KCTD16: variants seen among roughly 807,000 people sequenced by gnomAD.
The protein encoded by KCTD16 is potassium channel tetramerization domain containing 16.
A neutral mutation model predicts 33.2 loss-of-function variants in KCTD16; 13 were observed. The observed-to-expected ratio is 0.39, with a 90% confidence interval of 0.25 to 0.62. The LOEUF (loss-of-function observed/expected upper bound fraction) is 0.62. KCTD16 is among the 20% of genes least tolerant of loss of function. KCTD16 has a pLI of 0.50. For missense variants in KCTD16, 441 were observed against 525.1 expected (o/e 0.84, Z 1.57); for synonymous variants, 197 against 195.3 (o/e 1.01, Z -0.07).
intron 2 of KCTD16, chr5:144,205,921 G>C (rs971062283): frequency 5.4e-6 from 1 of 186,846 alleles, no homozygotes; most frequent in Non-Finnish European, 1.1e-5. Context: ...TTGATACCTC[G>C]GTCGTTTACC....
intron 3 of KCTD16, among the ~76,000 whole-genome samples, chr5:144,355,459 G>A (rs1751549757): frequency 6.6e-6 from 1 of 152,124 alleles, no homozygotes; most frequent in Non-Finnish European, 1.5e-5. Flanking sequence ...TTCTGGAGGA[G>A]TACCACCCAT....
intron 3 of KCTD16, among the ~76,000 whole-genome samples, chr5:144,337,360 C>T (rs1406411149): frequency 1.3e-5 from 2 of 151,980 alleles, no homozygotes; most frequent in Non-Finnish European, 2.9e-5. Flanking sequence ...GGGGTGTGAA[C>T]GTGCCAATTT....
At chr5:144,394,260 T>C (rs1383054658) in intron 3 of KCTD16, among the ~76,000 whole-genome samples, 1 of 152,198 alleles carries the variant, frequency 6.6e-6, no homozygotes, top group Non-Finnish European at 1.5e-5. Context: ...GTAAACTCTT[T>C]TCAATATACT....
At chr5:144,448,699 C>A (rs1753876367) in intron 3 of KCTD16, among the ~76,000 whole-genome samples, 1 of 152,034 alleles carries the variant, frequency 6.6e-6, no homozygotes, top group South Asian at 2.1e-4. Flanking sequence ...TAGATTAAAT[C>A]ATGATTCCAA....
At chr5:144,322,258 C>T (rs1752091216) in intron 3 of KCTD16, among the ~76,000 whole-genome samples, 1 of 152,078 alleles carries the variant, frequency 6.6e-6, no homozygotes, top group African/African-American at 2.4e-5. Context: ...TGCCTAGCAT[C>T]CCCAAGTCTA....
intron 3 of KCTD16, among the ~76,000 whole-genome samples, chr5:144,300,133 GTAT>G (rs1165941129): frequency 6.6e-6 from 1 of 152,018 alleles, no homozygotes; most frequent in African/African-American, 2.4e-5. Context: ...GCACATGTTT[GTAT>G]TATTAATATT....
chr5:144,310,719 T>C (rs1183759840), intron 3 of KCTD16, among the ~76,000 whole-genome samples: 1 of 152,202 alleles, frequency 6.6e-6, no homozygotes, highest in Non-Finnish European at 1.5e-5. Flanking sequence ...TAGAGCTCAT[T>C]GAGTTGGCAC....
chr5:144,448,948 C>A (rs1753882265), intron 3 of KCTD16, among the ~76,000 whole-genome samples: 1 of 152,030 alleles, frequency 6.6e-6, no homozygotes, highest in South Asian at 2.1e-4. Context: ...ATAGATTCAT[C>A]TTCACAGTTG....
At chr5:144,236,891 G>A (rs892473645) in intron 3 of KCTD16, among the ~76,000 whole-genome samples, 2 of 152,052 alleles carry the variant, frequency 1.3e-5, no homozygotes, top group African/African-American at 4.8e-5. Context: ...TTGAGTATCA[G>A]AATTTAAGGA....
At chr5:144,186,589 A>G (rs1752731791) in intron 2 of KCTD16, among the ~76,000 whole-genome samples, 1 of 152,206 alleles carries the variant, frequency 6.6e-6, no homozygotes, top group South Asian at 2.1e-4. Flanking sequence ...AGAAAGCAGA[A>G]GGACTTTAAA....
chr5:144,373,831 A>G (rs1752024034), intron 3 of KCTD16, among the ~76,000 whole-genome samples: 1 of 152,220 alleles, frequency 6.6e-6, no homozygotes, highest in South Asian at 2.1e-4. Context: ...CCATGTGATT[A>G]CATTGCTAAT....
intron 3 of KCTD16, among the ~76,000 whole-genome samples, chr5:144,354,867 G>A (rs920233019): frequency 6.6e-6 from 1 of 152,150 alleles, no homozygotes; most frequent in Non-Finnish European, 1.5e-5. Flanking sequence ...TTCATTTAGA[G>A]TGTCATGTAT....
intron 3 of KCTD16, among the ~76,000 whole-genome samples, chr5:144,338,389 C>G (rs1017565835): frequency 2.6e-5 from 4 of 152,182 alleles, no homozygotes; most frequent in African/African-American, 9.6e-5. Flanking sequence ...CAGCTTTGGT[C>G]AAGTTTTTCG....
chr5:144,372,870 A>G (rs1403649993), intron 3 of KCTD16, among the ~76,000 whole-genome samples: 2 of 152,176 alleles, frequency 1.3e-5, no homozygotes, highest in Non-Finnish European at 2.9e-5. Context: ...GAGCTGTAAG[A>G]GTAGAAGGGT....
At chr5:144,218,114 C>G (rs926216931) in intron 3 of KCTD16, among the ~76,000 whole-genome samples, 1 of 152,118 alleles carries the variant, frequency 6.6e-6, no homozygotes, top group African/African-American at 2.4e-5. Context: ...TATTGAATAC[C>G]TAAAGTGTGC....
chr5:144,317,721 C>G (rs1751958924), intron 3 of KCTD16, among the ~76,000 whole-genome samples: 1 of 152,198 alleles, frequency 6.6e-6, no homozygotes, highest in Non-Finnish European at 1.5e-5. Context: ...TCTTCTGATT[C>G]CCTCCTGGAT....
chr5:144,441,083 C>T lies in KCTD16; in HGVS notation c.833-32577C>T, dbSNP rs562630203. ...CTATCTGTAGATCTTTGGATCTATTCGGATCCTTTGTTCATTTTTCATTGG... is the reference window on the plus strand; with the variant it reads ...CTATCTGTAGATCTTTGGATCTATTTGGATCCTTTGTTCATTTTTCATTGG... On this transcript the variant is annotated intron_variant, in intron 3 of 3. Transcript: ENST00000512467. 1.9e-4 allele frequency among the ~76,000 whole-genome samples: 29 copies of T among 152,102 alleles called. No individual in the cohort carries two copies. In the South Asian group the frequency reaches 3.1e-3, roughly 16 times the overall value.
intron 3 of KCTD16, among the ~76,000 whole-genome samples, chr5:144,390,537 T>TA (rs397764737): frequency 2.3e-3 from 335 of 148,786 alleles, no homozygotes; most frequent in Admixed American, 4.0e-3. Context: ...TTTTTTTTTT[T>TA]ATTATTATCC....
chr5:144,416,389 C>G (rs973407724), intron 3 of KCTD16, among the ~76,000 whole-genome samples: 8 of 152,194 alleles, frequency 5.3e-5, no homozygotes, highest in Admixed American at 5.2e-4. Flanking sequence ...CTGGACTCTG[C>G]CCAAACTTGG....
Sources: gnomAD v4.1 joint callset for allele counts (sites outside exome capture counted in the v4.1 genomes callset) on GRCh38, gnomAD v4.1.1 for gene constraint, MANE v1.5 for transcripts, NCBI Gene and HGNC (gene_info 2026-07-23, HGNC 2026-07-21) for gene names.